Variants in EFR3A observed in about 807,000 individuals in gnomAD.
The protein encoded by EFR3A is protein EFR3 homolog A.
A neutral mutation model predicts 104.4 loss-of-function variants in EFR3A; 76 were observed. The ratio of observed to expected loss-of-function variants is 0.73; its 90% CI spans 0.60 to 0.88. EFR3A has a LOEUF of 0.88. EFR3A is among the 40% of genes least tolerant of loss of function. The probability of loss-of-function intolerance (pLI) is 0.00; values close to 1 mark genes in which losing one functional copy is unlikely to be tolerated. For missense variants in EFR3A, 985 were observed against 1,012.5 expected, an observed-to-expected ratio of 0.97 and a Z score of 0.37; for synonymous variants, 330 against 330.0, an observed-to-expected ratio of 1.00 and a Z score of 0.00.
At chr8:132,006,804 T>C (rs1822077660) in intron 22 of EFR3A, among the ~76,000 whole-genome samples, 1 of 151,960 alleles carries the variant, frequency 6.6e-6, no homozygotes, top group South Asian at 2.1e-4. Context: ...ACTGATGATA[T>C]GGCCTAAATA....
intron 19 of EFR3A, 110 bp from the exon 20 acceptor site, chr8:132,001,649 C>T (rs1361652968): frequency 2.2e-6 from 2 of 893,340 alleles, no homozygotes; most frequent in African/African-American, 3.3e-5. Context: ...AGACCCAACA[C>T]AAAGAAGAAA....
chr8:131,912,895 T>G (rs1816576283), intron 1 of EFR3A, among the ~76,000 whole-genome samples: 1 of 152,042 alleles, frequency 6.6e-6, no homozygotes, highest in African/African-American at 2.4e-5. Context: ...ATTGCTATCA[T>G]GTAAAAATCT....
chr8:131,912,772 G>A (rs1437035912), intron 1 of EFR3A, among the ~76,000 whole-genome samples: 1 of 152,068 alleles, frequency 6.6e-6, no homozygotes, highest in African/African-American at 2.4e-5. Flanking sequence ...GAAATGACAT[G>A]TTAAAATGCT....
chr8:131,994,159 CG>C (rs1821358362), intron 18 of EFR3A, among the ~76,000 whole-genome samples: 1 of 151,868 alleles, frequency 6.6e-6, no homozygotes, highest in South Asian at 2.1e-4. Context: ...GGGAGAATCA[CG>C]TGAGCCCAAG....
intron 2 of EFR3A, among the ~76,000 whole-genome samples, chr8:131,942,867 C>T (rs905110106): frequency 4.7e-4 from 72 of 151,940 alleles, no homozygotes; most frequent in African/African-American, 1.7e-3. Context: ...AGAAGTCTTG[C>T]ACAAAATATA....
At chr8:131,963,064 A>G (rs1304310569) in intron 8 of EFR3A, among the ~76,000 whole-genome samples, 1 of 152,240 alleles carries the variant, frequency 6.6e-6, no homozygotes, top group Non-Finnish European at 1.5e-5. Flanking sequence ...GGACACATTT[A>G]AAGCTGTGTG....
At chr8:131,928,140 C>G (rs1817396949) in intron 1 of EFR3A, among the ~76,000 whole-genome samples, 1 of 151,538 alleles carries the variant, frequency 6.6e-6, no homozygotes, top group Non-Finnish European at 1.5e-5. Flanking sequence ...CCTTATAAAC[C>G]TAATTGATTG....
Position 132,001,900 on chromosome 8 carries a change from C to T in EFR3A, c.2206+93C>T, listed in dbSNP as rs931699740. 6.6e-6 allele frequency: 7 copies of T among 1,059,216 alleles called. No individual in the cohort carries two copies. The African/African-American group carries it at 8.0e-5, about 12-fold the overall frequency. The allele number at this position is 1,059,216 out of a possible 1,614,324, so 65.6% of individuals were successfully genotyped here. On this transcript the variant is annotated intron_variant, in intron 20 of 22. Coordinates refer to ENST00000254624, the MANE Select transcript of EFR3A (RefSeq NM_015137.6). ...GACAGAATACGTAGAGGGGACATTA[C>T]AAAAATAAACCAAAGAAACTTGTTG...
Position 131,955,853 on chromosome 8 carries a change from C to T in EFR3A, c.724C>T (p.Leu242=), listed in dbSNP as rs1190402988. The T allele has an allele frequency of 6.2e-7, 1 of 1,613,522 alleles. No homozygotes were observed. The highest frequency in any genetic ancestry group is 1.1e-5 in the South Asian group (1 of 91,058). Residue 242 remains leucine (L), a synonymous_variant, in exon 7 of 23, where the codon CTG becomes TTG. Transcript: ENST00000254624. ...GGCTGAAAACTGTTTCAGAGAACTG[C>T]TGGGTCGAGCAACTTTTGGGAATAT... ...VLAENCFREL[L]GRATFGNMNN... is the part of the protein sequence containing the mutation.
intron 1 of EFR3A, chr8:131,924,126 G>A: frequency 2.3e-6 from 1 of 443,918 alleles, no homozygotes; most frequent in Non-Finnish European, 4.5e-6. Flanking sequence ...TTTCTTGTGA[G>A]AACTAAGGAC....
rs566002497 is a variant in EFR3A, at chr8:131,976,961, A to G, written c.1275-80A>G. ...AATCTATTTAGCCAATAAGAATAGA[A>G]TTTTAAAATCAGTAATTGAAGTAAA... On this transcript the variant is annotated intron_variant, in intron 11 of 22. Coordinates refer to ENST00000254624, the MANE Select transcript of EFR3A (RefSeq NM_015137.6). 2.4e-5 allele frequency: 24 copies of G among 1,010,540 alleles called. No individual in the cohort carries two copies. In the South Asian group the frequency reaches 4.7e-4, roughly 20 times the overall value. The allele number at this position is 1,010,540 out of a possible 1,614,324, so 62.6% of individuals were successfully genotyped here. A position where few individuals can be genotyped will look rare whatever the true frequency, so the allele number is the denominator to read the frequency against.
At chr8:132,002,463 G>C in intron 20 of EFR3A, 140 bp from the exon 21 acceptor site, 1 of 622,238 alleles carries the variant, frequency 1.6e-6, no homozygotes, top group Non-Finnish European at 2.7e-6. Context: ...TGGATGTTAG[G>C]CCTTTTTATT....
intron 1 of EFR3A, among the ~76,000 whole-genome samples, chr8:131,934,563 T>C (rs1303641481): frequency 6.6e-6 from 1 of 152,142 alleles, no homozygotes; most frequent in East Asian, 1.9e-4. Context: ...TTTAAGTCCT[T>C]GTAGTTGTCA....
intron 18 of EFR3A, among the ~76,000 whole-genome samples, chr8:131,994,709 T>G (rs1363736604): frequency 6.6e-6 from 1 of 152,050 alleles, no homozygotes; most frequent in African/African-American, 2.4e-5. Context: ...AATAGGACAA[T>G]GTGGAGATAA....
At chr8:131,995,004 C>A (rs1374060829) in intron 18 of EFR3A, among the ~76,000 whole-genome samples, 1 of 152,066 alleles carries the variant, frequency 6.6e-6, no homozygotes, top group Non-Finnish European at 1.5e-5. Flanking sequence ...TTTCTGAATT[C>A]TCTTCTGTAT....
rs899596678 is a variant in EFR3A at position 131,933,300 on chromosome 8, C to T, written c.11-7199C>T. ...GAAGATGGTCAGTGACATGTAGGGTCCAGGGACATGGTCTTGAAAATAGGA... is the reference window on the plus strand; with the variant it reads ...GAAGATGGTCAGTGACATGTAGGGTTCAGGGACATGGTCTTGAAAATAGGA... On this transcript the variant is annotated intron_variant, in intron 1 of 22. Coordinates refer to ENST00000254624, the MANE Select transcript of EFR3A (RefSeq NM_015137.6). 6.6e-5 allele frequency among the ~76,000 whole-genome samples: 10 copies of T among 152,178 alleles called. No individual in the cohort carries two copies. In the South Asian group the frequency reaches 2.1e-3, roughly 32 times the overall value.
intron 1 of EFR3A, among the ~76,000 whole-genome samples, chr8:131,923,991 A>G (rs924738317): frequency 6.6e-6 from 1 of 152,058 alleles, no homozygotes; most frequent in Non-Finnish European, 1.5e-5. Flanking sequence ...TGTGCTACTT[A>G]GTATCAGAGA....
intron 14 of EFR3A, 111 bp downstream of exon 14, chr8:131,979,532 T>C: frequency 2.6e-6 from 2 of 759,752 alleles, no homozygotes; most frequent in Non-Finnish European, 4.2e-6. Context: ...GAATTTTGAA[T>C]TTGAAAGACC....
At chr8:131,920,340 C>G (rs986704918) in intron 1 of EFR3A, among the ~76,000 whole-genome samples, 1 of 152,148 alleles carries the variant, frequency 6.6e-6, no homozygotes, top group African/African-American at 2.4e-5. Context: ...AAAGTCCTCC[C>G]TGTAGCTCTT....
Sources: allele counts gnomAD v4.1 joint callset (sites outside exome capture counted in the v4.1 genomes callset), GRCh38; gene constraint gnomAD v4.1.1; transcripts MANE v1.5; gene names NCBI Gene and HGNC (gene_info 2026-07-23, HGNC 2026-07-21).